The following SMAD2 variants were observed in gnomAD, a reference collection of about 807,000 sequenced individuals.
The protein encoded by SMAD2 is SMAD family member 2, also known as MAD homolog 2.
In SMAD2, 8 loss-of-function variants were observed where a neutral mutation model predicts 64.4. That is an observed-to-expected ratio of 0.12 (90% CI 0.07 to 0.22). The LOEUF (loss-of-function observed/expected upper bound fraction) is 0.22. Ranked by LOEUF, SMAD2 falls within the 10% of genes least tolerant of loss-of-function variation. The pLI, the probability that SMAD2 is intolerant of heterozygous loss-of-function variation, is 1.00. For missense variants in SMAD2, 289 were observed against 561.2 expected, an observed-to-expected ratio of 0.51 and a Z score of 4.90; for synonymous variants, 203 against 195.8, an observed-to-expected ratio of 1.04 and a Z score of -0.31.
At position 47,812,041 on chromosome 18, in the gene SMAD2, G is replaced by T. The variant is rs1305701615; in HGVS notation, c.*29786C>A. On this transcript the variant is annotated 3_prime_UTR_variant, in exon 11 of 11. Coordinates refer to ENST00000262160, the MANE Select transcript of SMAD2 (RefSeq NM_005901.6). ...GACTGGGTAATTTATAAAGGAAAGA[G>T]GTTTAATTGACTCAACAGTTCCACA... 1 of 152,146 alleles carries T rather than the reference G, an allele frequency of 6.6e-6. No individual in the cohort carries two copies. The highest frequency in any genetic ancestry group is 1.5e-5 in the Non-Finnish European group (1 of 68,062). 9.4% of individuals were successfully genotyped at this position (152,146 alleles called of 1,614,324 possible).
rs1049242503 is a variant in SMAD2 at position 47,903,374 on chromosome 18, G to C, written c.-53-6565C>G. 3.3e-5 allele frequency among the ~76,000 whole-genome samples: 5 copies of C among 151,084 alleles called. 1 individual carries two copies. In the East Asian group the frequency reaches 9.9e-4, roughly 30 times the overall value. On this transcript the variant is annotated intron_variant, in intron 1 of 10. Coordinates refer to ENST00000262160, the MANE Select transcript of SMAD2 (RefSeq NM_005901.6). ...AGGCAGGACTAGAGAAAGAGGGGGT[G>C]GGGGGAAAGAAAATAAGAATGACCA...
Position 47,833,531 on chromosome 18 carries a change from A to G in SMAD2, c.*8296T>C, listed in dbSNP as rs1913117725. The stretch of plus-strand genomic sequence containing the variant: ...CCACTAAGGACTTCCAGAGGGAAAC[A>G]AGAACAGGGTCTGCATCCATCATAT... On this transcript the variant is annotated 3_prime_UTR_variant, in exon 11 of 11. Transcript: ENST00000262160. The G allele has an allele frequency of 1.3e-5, 3 of 230,530 alleles. No homozygotes were observed. The East Asian group carries it at 1.8e-4, about 14-fold the overall frequency. The allele number at this position is 230,530 out of a possible 1,614,324, so 14.3% of individuals were successfully genotyped here.
At chr18:47,928,385 C>T (rs2034853396) in intron 1 of SMAD2, among the ~76,000 whole-genome samples, 1 of 152,132 alleles carries the variant, frequency 6.6e-6, no homozygotes, top group South Asian at 2.1e-4. Flanking sequence ...GACATATATT[C>T]CCCCAAATGT....
Position 47,816,279 on chromosome 18 carries a change from A to G in SMAD2, c.*25548T>C, listed in dbSNP as rs1912363494. 1 of 152,220 alleles carries G rather than the reference A, an allele frequency of 6.6e-6. No individual in the cohort carries two copies. The allele number at this position is 152,220 out of a possible 1,614,324, so 9.4% of individuals were successfully genotyped here. On this transcript the variant is annotated 3_prime_UTR_variant, in exon 11 of 11. Transcript: ENST00000262160. ...AGAAGTTTTAGGTCTTATGAAAAAA[A>G]GATTTTTATAAATTATACACAATTG...
intron 2 of SMAD2, chr18:47,886,932 A>AG (rs1258251266): frequency 6.4e-6 from 1 of 157,130 alleles, no homozygotes; most frequent in Non-Finnish European, 1.4e-5. Flanking sequence ...GCAAAAAAAA[A>AG]AAAAAAGAAA....
At chr18:47,855,492 T>C (rs915844667) in intron 6 of SMAD2, among the ~76,000 whole-genome samples, 2 of 152,200 alleles carry the variant, frequency 1.3e-5, no homozygotes, top group African/African-American at 4.8e-5. Context: ...TAAATGAGTG[T>C]GCCTGTTGCT....
chr18:47,881,399 C>T (rs1311778174), intron 2 of SMAD2, among the ~76,000 whole-genome samples: 1 of 152,164 alleles, frequency 6.6e-6, no homozygotes, highest in Non-Finnish European at 1.5e-5. Context: ...TTGTCTGCTG[C>T]TAGTATTTAC....
chr18:47,888,991 T>C (rs1598842028), intron 2 of SMAD2, among the ~76,000 whole-genome samples: 1 of 151,850 alleles, frequency 6.6e-6, no homozygotes, highest in Non-Finnish European at 1.5e-5. Context: ...ATACTATAAC[T>C]GAAGGATATA....
chr18:47,919,577 G>A (rs916936895), intron 1 of SMAD2, among the ~76,000 whole-genome samples: 15 of 151,910 alleles, frequency 9.9e-5, no homozygotes, highest in African/African-American at 3.6e-4. Flanking sequence ...ATATGCTAGT[G>A]AGGGGGAAAT....
chr18:47,917,110 T>A lies in SMAD2; in HGVS notation c.-54+13251A>T, dbSNP rs114644476. Among the ~76,000 whole-genome samples, 1,209 of 152,294 alleles carry A rather than the reference T, an allele frequency of 7.9e-3. 18 individuals are homozygous for A. Among genetic ancestry groups the A allele is most frequent in the African/African-American group, 0.027 (1,128 of 41,560 alleles). On this transcript the variant is annotated intron_variant, in intron 1 of 10. Transcript: ENST00000262160. The stretch of plus-strand genomic sequence containing the variant: ...ATCTCGGCTCACTGCAACCTCTGCC[T>A]CCTGGGTTCAAGCGATTCCCCTTAC...
intron 1 of SMAD2, among the ~76,000 whole-genome samples, chr18:47,919,843 G>A (rs1451818172): frequency 6.6e-6 from 1 of 152,032 alleles, no homozygotes; most frequent in Admixed American, 6.6e-5. Context: ...CAACGCAAAA[G>A]AAAAAAATTT....
chr18:47,921,993 T>A (rs1030643890), intron 1 of SMAD2, among the ~76,000 whole-genome samples: 10 of 152,220 alleles, frequency 6.6e-5, no homozygotes, highest in African/African-American at 9.6e-5. Flanking sequence ...AAAAGACTGC[T>A]AAACTTGACA....
intron 7 of SMAD2, among the ~76,000 whole-genome samples, chr18:47,850,411 A>T (rs1598758370): frequency 9.5e-5 from 2 of 21,132 alleles, no homozygotes; most frequent in Non-Finnish European, 1.5e-4. Context: ...TATTATGTAT[A>T]ATATATATAA....
chr18:47,837,013 T>C lies in SMAD2; in HGVS notation c.*4814A>G, dbSNP rs919403060. Reference sequence around the variant, plus strand: ...TACAACAATCCAATATGCCCCAAGATGGAAATCTGGTATCGTAGGGAAAAC... The same window carrying C: ...TACAACAATCCAATATGCCCCAAGACGGAAATCTGGTATCGTAGGGAAAAC... On this transcript the variant is annotated 3_prime_UTR_variant, in exon 11 of 11. Transcript: ENST00000262160. The C allele has an allele frequency of 9.4e-6, 2 of 212,138 alleles. No homozygotes were observed. The highest frequency in any genetic ancestry group is 1.2e-4 in the Admixed American group (2 of 17,046). The allele number at this position is 212,138 out of a possible 1,614,324, so 13.1% of individuals were successfully genotyped here.
chr18:47,887,211 C>T (rs1006170823), intron 2 of SMAD2, among the ~76,000 whole-genome samples: 3 of 152,200 alleles, frequency 2.0e-5, no homozygotes, highest in African/African-American at 7.2e-5. Flanking sequence ...CTAGTCATAT[C>T]CAGATATTTG....
At chr18:47,852,152 TCTTA>T (rs1353405037) in intron 6 of SMAD2, among the ~76,000 whole-genome samples, 3 of 152,210 alleles carry the variant, frequency 2.0e-5, no homozygotes, top group African/African-American at 7.2e-5. Context: ...TTGATCATTT[TCTTA>T]CTGATTGTTT....
chr18:47,906,313 TCCCAAGC>T (rs1204177183), intron 1 of SMAD2, among the ~76,000 whole-genome samples: 4 of 152,062 alleles, frequency 2.6e-5, no homozygotes, highest in Non-Finnish European at 5.9e-5. Flanking sequence ...CCACTTCGGG[TCCCAAGC>T]ATTTTGGATA....
intron 1 of SMAD2, among the ~76,000 whole-genome samples, chr18:47,926,935 G>C (rs971246236): frequency 6.6e-6 from 1 of 152,072 alleles, no homozygotes; most frequent in Non-Finnish European, 1.5e-5. Context: ...GAAAACCAAG[G>C]GCCTGGGGTT....
At chr18:47,864,810 T>C (rs1445603499) in intron 6 of SMAD2, among the ~76,000 whole-genome samples, 1 of 152,176 alleles carries the variant, frequency 6.6e-6, no homozygotes, top group Non-Finnish European at 1.5e-5. Flanking sequence ...AGTATGTGCA[T>C]GTTTTCAAAT....
Sources: allele counts gnomAD v4.1 joint callset (sites outside exome capture counted in the v4.1 genomes callset), GRCh38; gene constraint gnomAD v4.1.1; transcripts MANE v1.5; gene names NCBI Gene and HGNC (gene_info 2026-07-23, HGNC 2026-07-21).